Variants in PRKAA2 observed in about 807,000 individuals in gnomAD.
PRKAA2 encodes 5'-AMP-activated protein kinase catalytic subunit alpha-2.
A neutral mutation model predicts 56.3 loss-of-function variants in PRKAA2; 40 were observed. The observed-to-expected ratio is 0.71, with a 90% CI of 0.55 to 0.92. The LOEUF (loss-of-function observed/expected upper bound fraction) is 0.92, where lower values mean the gene tolerates loss of function less well. Ranked by LOEUF, PRKAA2 falls within the 40% of genes least tolerant of loss-of-function variation. The pLI, the probability that PRKAA2 is intolerant of heterozygous loss-of-function variation, is 0.00. For missense variants in PRKAA2, 542 were observed against 686.9 expected (o/e 0.79, Z 2.36); for synonymous variants, 214 against 234.2 (o/e 0.91, Z 0.79).
At chr1:56,656,410 A>G (rs754766905) in intron 1 of PRKAA2, among the ~76,000 whole-genome samples, 7 of 152,194 alleles carry the variant, frequency 4.6e-5, no homozygotes, top group Non-Finnish European at 7.3e-5. Context: ...TATCAGTTCT[A>G]TTGCCAACAA....
At chr1:56,669,341 T>TA (rs1644058616) in intron 1 of PRKAA2, among the ~76,000 whole-genome samples, 1 of 151,794 alleles carries the variant, frequency 6.6e-6, no homozygotes, top group African/African-American at 2.4e-5. Context: ...TGCCTGTAAT[T>TA]CCAGCTACTT....
At position 56,693,686 on chromosome 1, in the gene PRKAA2, G is replaced by T. The variant is rs1184336453; in HGVS notation, c.476-79G>T. ...ATGATATATGGAGGATCCAGGACTT[G>T]AAATTTTGCTCATATTTATATGACT... On this transcript the variant is annotated intron_variant, in intron 4 of 8. Coordinates refer to ENST00000371244, the MANE Select transcript of PRKAA2 (RefSeq NM_006252.4). 4 of 977,326 alleles carry T rather than the reference G, an allele frequency of 4.1e-6. No individual in the cohort carries two copies. In the East Asian group the frequency reaches 1.0e-4, roughly 25 times the overall value. 60.5% of individuals were successfully genotyped at this position (977,326 alleles called of 1,614,324 possible).
intron 2 of PRKAA2, among the ~76,000 whole-genome samples, chr1:56,690,194 C>G (rs550963549): frequency 1.3e-5 from 2 of 148,148 alleles, no homozygotes; most frequent in African/African-American, 5.0e-5. Context: ...AGCGGAGTCT[C>G]GCTCTGTTGC....
chr1:56,667,181 G>A (rs983837572), intron 1 of PRKAA2, among the ~76,000 whole-genome samples: 6 of 152,202 alleles, frequency 3.9e-5, no homozygotes, highest in African/African-American at 1.4e-4. Context: ...GCTGAGGACT[G>A]ATACACATGC....
chr1:56,674,604 G>A, intron 2 of PRKAA2, 82 bp downstream of exon 2: 2 of 1,188,228 alleles, frequency 1.7e-6, no homozygotes, highest in Non-Finnish European at 2.3e-6. Context: ...ATTGTTAATT[G>A]TTAACCTTTT....
intron 1 of PRKAA2, among the ~76,000 whole-genome samples, chr1:56,647,861 G>A (rs182044358): frequency 1.3e-5 from 2 of 151,308 alleles, no homozygotes; most frequent in African/African-American, 4.9e-5. Flanking sequence ...GAAACCCCAT[G>A]TCTACTAAAA....
At chr1:56,669,862 A>G (rs933252327) in intron 1 of PRKAA2, among the ~76,000 whole-genome samples, 14 of 152,216 alleles carry the variant, frequency 9.2e-5, no homozygotes, top group African/African-American at 3.1e-4. Context: ...GTTGAAGGAG[A>G]GTCTATTGAC....
In PRKAA2 at chr1:56,706,108, A is replaced by C; in HGVS notation, c.1310A>C (p.His437Pro). The change falls in exon 8 of 9, where the codon CAT (histidine) becomes CCT (proline). Residue 437 changes from histidine to proline, a missense_variant. His to Pro is a moderately conservative substitution (Grantham distance 77, BLOSUM62 -2). Transcript: ENST00000371244. ...DFEWKVVNAY[H>P]LRVRRKNPVT... ...TCACTTTAGGTAGTGAATGCATACC[A>C]TCTTCGTGTAAGAAGAAAAAATCCA... 1 of 1,610,570 alleles carries C rather than the reference A, an allele frequency of 6.2e-7. No homozygotes were observed. The highest frequency in any genetic ancestry group is 8.5e-7 in the Non-Finnish European group (1 of 1,176,968).
chr1:56,648,914 T>G (rs1646665716), intron 1 of PRKAA2, among the ~76,000 whole-genome samples: 1 of 152,222 alleles, frequency 6.6e-6, no homozygotes, highest in Non-Finnish European at 1.5e-5. Flanking sequence ...ACTTGTCATC[T>G]TATAAGTTGA....
chr1:56,652,329 G>T (rs1643908305), intron 1 of PRKAA2, among the ~76,000 whole-genome samples: 1 of 151,558 alleles, frequency 6.6e-6, no homozygotes. Context: ...CTAATTTTCT[G>T]TATTTTTGGT....
At chr1:56,703,698 T>C (rs372121439) in intron 6 of PRKAA2, among the ~76,000 whole-genome samples, 1 of 152,226 alleles carries the variant, frequency 6.6e-6, no homozygotes, top group African/African-American at 2.4e-5. Flanking sequence ...AATTTTATCA[T>C]TGGCAACAAA....
rs959780373 is a variant in PRKAA2, at chr1:56,715,190, T to C, written c.*7477T>C. ...ATGTCTTCCTGAATTACATAGCATT[T>C]CATAGTTACAGATTCTTCCTAATTA... On this transcript the variant is annotated 3_prime_UTR_variant, in exon 9 of 9. Coordinates refer to ENST00000371244, the MANE Select transcript of PRKAA2 (RefSeq NM_006252.4). 1 of 152,214 alleles carries C rather than the reference T, an allele frequency of 6.6e-6. No homozygotes were observed. Among genetic ancestry groups the C allele is most frequent in the African/African-American group, 2.4e-5 (1 of 41,464 alleles). 9.4% of individuals were successfully genotyped at this position (152,214 alleles called of 1,614,324 possible).
At chr1:56,673,719 A>G (rs1644093729) in intron 1 of PRKAA2, among the ~76,000 whole-genome samples, 1 of 152,240 alleles carries the variant, frequency 6.6e-6, no homozygotes, top group Non-Finnish European at 1.5e-5. Flanking sequence ...AGAGATTCAG[A>G]TGAGCACTGG....
In PRKAA2 at chr1:56,707,741, C is replaced by T; in HGVS notation, c.*28C>T. ...TGTCTCTAGTTTCTTTCTGTTATTGCACTATGAAAATCAGTTATATTCTTT... is the reference window on the plus strand; with the variant it reads ...TGTCTCTAGTTTCTTTCTGTTATTGTACTATGAAAATCAGTTATATTCTTT... On this transcript the variant is annotated 3_prime_UTR_variant, in exon 9 of 9. Coordinates refer to ENST00000371244, the MANE Select transcript of PRKAA2 (RefSeq NM_006252.4). 6.6e-7 allele frequency: 1 copy of T among 1,525,758 alleles called. No individual in the cohort carries two copies. The highest frequency in any genetic ancestry group is 1.1e-5 in the South Asian group (1 of 88,272). The allele number at this position is 1,525,758 out of a possible 1,614,324, so 94.5% of individuals were successfully genotyped here.
At chr1:56,656,564 T>C (rs1643944079) in intron 1 of PRKAA2, among the ~76,000 whole-genome samples, 1 of 152,184 alleles carries the variant, frequency 6.6e-6, no homozygotes, top group South Asian at 2.1e-4. Context: ...GACGTCCAGT[T>C]TCCCTTTAAG....
Position 56,710,834 on chromosome 1 carries a change from G to A in PRKAA2, c.*3121G>A, listed in dbSNP as rs1433740403. On this transcript the variant is annotated 3_prime_UTR_variant, in exon 9 of 9. Coordinates refer to ENST00000371244, the MANE Select transcript of PRKAA2 (RefSeq NM_006252.4). ...ACTAATGACTCATGCTTATGGCTCA[G>A]TGGGTAATGAATCAGTGTCACTGAT... 2 of 152,088 alleles carry A rather than the reference G, an allele frequency of 1.3e-5. No homozygotes were observed. 9.4% of individuals were successfully genotyped at this position (152,088 alleles called of 1,614,324 possible). A position where few individuals can be genotyped will look rare whatever the true frequency, so the allele number is the denominator to read the frequency against.
At position 56,703,967 on chromosome 1, in the gene PRKAA2, C is replaced by G; in HGVS notation, c.789-4C>G. 6.3e-7 allele frequency: 1 copy of G among 1,593,470 alleles called. No homozygotes were observed. Among genetic ancestry groups the G allele is most frequent in the Non-Finnish European group, 8.5e-7 (1 of 1,170,470 alleles). ...ACAATAATGTATTGTGGTGTTTTTC[C>G]TAGAGAGCATGAATGGTTTAAACAA... is the stretch of plus-strand genomic sequence containing the variant. On this transcript the variant is annotated splice_polypyrimidine_tract_variant and splice_region_variant and intron_variant, in intron 6 of 8. Transcript: ENST00000371244.
rs1644365459 is a variant in PRKAA2, at chr1:56,710,963, C to T, written c.*3250C>T. 6.6e-6 allele frequency: 1 copy of T among 152,048 alleles called. No individual in the cohort carries two copies. The highest frequency in any genetic ancestry group is 2.4e-5 in the African/African-American group (1 of 41,430). 9.4% of individuals were successfully genotyped at this position (152,048 alleles called of 1,614,324 possible). A position where few individuals can be genotyped will look rare whatever the true frequency, so the allele number is the denominator to read the frequency against. Reference sequence around the variant, plus strand: ...TATGTTTCAGTGTAGGAACAGCTACCTTCTCAAATAGAATATGCAGGGAGG... The same window carrying T: ...TATGTTTCAGTGTAGGAACAGCTACTTTCTCAAATAGAATATGCAGGGAGG... On this transcript the variant is annotated 3_prime_UTR_variant, in exon 9 of 9. Transcript: ENST00000371244.
rs1316031210 is a variant in PRKAA2, at chr1:56,696,068, A to G, written c.697A>G (p.Ile233Val). The change falls in exon 6 of 9, where the codon ATC (isoleucine) becomes GTC (valine). Residue 233 changes from isoleucine (I) to valine (V), a missense_variant. This residue lies in a region of PRKAA2 where 198 missense variants were observed against 234.0 expected (regional missense o/e 0.85). Coordinates refer to ENST00000371244, the MANE Select transcript of PRKAA2 (RefSeq NM_006252.4). ...GAAGATCCGAGGGGGTGTCTTTTAT[A>G]TCCCAGAATATCTCAATCGTTCTGT... is the stretch of plus-strand genomic sequence containing the variant. ...FKKIRGGVFY[I>V]PEYLNRSVAT... 1 of 1,613,240 alleles carries G rather than the reference A, an allele frequency of 6.2e-7. No homozygotes were observed. The highest frequency in any genetic ancestry group is 1.7e-5 in the Admixed American group (1 of 59,856).
Sources: gnomAD v4.1 joint callset for allele counts (sites outside exome capture counted in the v4.1 genomes callset) on GRCh38, gnomAD v4.1.1 for gene constraint, gnomAD v4.1.1 regional missense constraint, MANE v1.5 for transcripts, NCBI Gene and HGNC (gene_info 2026-07-23, HGNC 2026-07-21) for gene names.